The following METTL15 variants were observed in gnomAD, a reference collection of about 807,000 sequenced individuals.
The protein encoded by METTL15 is 12S rRNA N(4)-cytidine methyltransferase METTL15.
Under a neutral mutation model 38.3 loss-of-function variants are expected in METTL15, and 34 were observed. The ratio of observed to expected loss-of-function variants is 0.89; its 90% CI spans 0.68 to 1.18. The LOEUF (loss-of-function observed/expected upper bound fraction) is 1.18. Ranked by LOEUF, METTL15 falls within the 50% of genes most tolerant of loss-of-function variation. METTL15 has a pLI of 0.00. For missense variants in METTL15, 438 were observed against 498.4 expected (o/e 0.88, Z 1.15); for synonymous variants, 162 against 170.9 (o/e 0.95, Z 0.41).
chr11:28,319,592 A>G (rs1849390715), intron 6 of METTL15, among the ~76,000 whole-genome samples: 1 of 152,110 alleles, frequency 6.6e-6, no homozygotes, highest in Non-Finnish European at 1.5e-5. Context: ...GTACCTTTGA[A>G]CGAAAATTAG....
At chr11:28,412,292 C>T (rs895653453) in intron 5 of METTL15, among the ~76,000 whole-genome samples, 3 of 151,580 alleles carry the variant, frequency 2.0e-5, no homozygotes, top group Non-Finnish European at 2.9e-5. Flanking sequence ...TGTGTGCATG[C>T]CCATGATTAT....
intron 3 of METTL15, among the ~76,000 whole-genome samples, chr11:28,136,871 T>C (rs1283769334): frequency 6.6e-6 from 1 of 151,876 alleles, no homozygotes; most frequent in African/African-American, 2.4e-5. Flanking sequence ...GAATTCCAGA[T>C]TACCGTAAGT....
intron 3 of METTL15, among the ~76,000 whole-genome samples, chr11:28,184,980 G>A (rs1269138339): frequency 6.6e-6 from 1 of 151,334 alleles, no homozygotes; most frequent in African/African-American, 2.4e-5. Context: ...TTTTAATTAT[G>A]AGTCCCACCT....
At chr11:28,262,367 T>C (rs888072109) in intron 4 of METTL15, among the ~76,000 whole-genome samples, 1 of 150,900 alleles carries the variant, frequency 6.6e-6, no homozygotes, top group African/African-American at 2.4e-5. Context: ...TACAGAGATA[T>C]ATATGTGTAT....
At chr11:28,143,031 T>C (rs988418401) in intron 3 of METTL15, among the ~76,000 whole-genome samples, 2 of 152,052 alleles carry the variant, frequency 1.3e-5, no homozygotes, top group African/African-American at 4.8e-5. Context: ...GAGCTAGATA[T>C]GGTAAGTGAA....
At chr11:28,378,935 A>G (rs542759669) in intron 5 of METTL15, among the ~76,000 whole-genome samples, 2 of 152,000 alleles carry the variant, frequency 1.3e-5, no homozygotes, top group South Asian at 4.2e-4. Flanking sequence ...CTCTTTGTTC[A>G]TAGGTCAGTC....
chr11:28,376,083 C>T (rs999605385), intron 5 of METTL15, among the ~76,000 whole-genome samples: 1 of 151,888 alleles, frequency 6.6e-6, no homozygotes, highest in South Asian at 2.1e-4. Context: ...TGCTTTACTT[C>T]CAAGTATGTG....
chr11:28,206,435 T>A (rs1852347766), intron 3 of METTL15, among the ~76,000 whole-genome samples: 1 of 152,186 alleles, frequency 6.6e-6, no homozygotes, highest in Non-Finnish European at 1.5e-5. Flanking sequence ...TGGTATTATT[T>A]CTGAGGGCTC....
chr11:28,470,976 A>G (rs1032802502), intron 6 of METTL15, among the ~76,000 whole-genome samples: 18 of 152,088 alleles, frequency 1.2e-4, no homozygotes, highest in African/African-American at 4.3e-4. Flanking sequence ...TTAGTGGCCT[A>G]AAACAACAAC....
intron 6 of METTL15, among the ~76,000 whole-genome samples, chr11:28,429,995 GC>G (rs1315595706): frequency 6.9e-5 from 9 of 129,688 alleles, no homozygotes; most frequent in Non-Finnish European, 1.3e-4. Flanking sequence ...TGTGGGGAGC[GC>G]CTCTGCCCCG....
intron 5 of METTL15, among the ~76,000 whole-genome samples, chr11:28,367,644 A>T (rs1463793816): frequency 2.0e-5 from 3 of 152,202 alleles, no homozygotes; most frequent in Non-Finnish European, 2.9e-5. Context: ...TAGCCAAAAT[A>T]ATCCTGGGCA....
chr11:28,154,834 T>G (rs2133727801), intron 3 of METTL15, among the ~76,000 whole-genome samples: 1 of 152,278 alleles, frequency 6.6e-6, no homozygotes, highest in East Asian at 1.9e-4. Context: ...TTCTCAGTTC[T>G]CTCTCACAAA....
intron 3 of METTL15, among the ~76,000 whole-genome samples, chr11:28,131,216 T>C (rs544030298): frequency 2.6e-5 from 4 of 152,238 alleles, no homozygotes; most frequent in African/African-American, 9.6e-5. Flanking sequence ...ACCAATACGA[T>C]AGAGATGTGA....
chr11:28,327,850 G>A (rs1003847280), intron 6 of METTL15: 18 of 358,574 alleles, frequency 5.0e-5, no homozygotes, highest in Non-Finnish European at 8.0e-5. Context: ...AAAATAGTAT[G>A]CAAACATTTA....
intron 5 of METTL15, among the ~76,000 whole-genome samples, chr11:28,378,896 A>G (rs1850352110): frequency 1.3e-5 from 2 of 150,862 alleles, no homozygotes; most frequent in South Asian, 4.2e-4. Flanking sequence ...CTTTTATCTC[A>G]TTACTAGTTA....
intron 5 of METTL15, among the ~76,000 whole-genome samples, chr11:28,378,390 A>G (rs1352955807): frequency 6.6e-6 from 1 of 152,202 alleles, no homozygotes. Flanking sequence ...GGAAAAGCGC[A>G]GTATTCGGGT....
At chr11:28,525,006 G>A (rs950400839) in intron 6 of METTL15, among the ~76,000 whole-genome samples, 3 of 152,096 alleles carry the variant, frequency 2.0e-5, no homozygotes, top group Non-Finnish European at 4.4e-5. Flanking sequence ...TTCGCGGTGA[G>A]TGTTACAGTT....
rs139572677 is a variant in METTL15, at chr11:28,110,336, C to T, written c.-83C>T. ...CCTAGACGCGCGGCGCATTCAGGTT[C>T]TCCTGGACCGTAGTGGTAGTCGCTG... On this transcript the variant is annotated 5_prime_UTR_variant, in exon 2 of 7. Coordinates refer to ENST00000407364, the MANE Select transcript of METTL15 (RefSeq NM_001113528.2). The T allele has an allele frequency of 2.6e-5, 4 of 152,214 alleles. No homozygotes were observed. The highest frequency in any genetic ancestry group is 5.9e-5 in the Non-Finnish European group (4 of 68,054). 9.4% of individuals were successfully genotyped at this position (152,214 alleles called of 1,614,324 possible).
intron 3 of METTL15, among the ~76,000 whole-genome samples, chr11:28,153,027 G>A (rs565310804): frequency 5.9e-5 from 9 of 152,028 alleles, no homozygotes; most frequent in East Asian, 1.9e-4. Context: ...GCATGCAAAT[G>A]TATTATAATT....
Sources: gnomAD v4.1 joint callset for allele counts (sites outside exome capture counted in the v4.1 genomes callset) on GRCh38, gnomAD v4.1.1 for gene constraint, MANE v1.5 for transcripts, NCBI Gene and HGNC (gene_info 2026-07-23, HGNC 2026-07-21) for gene names.